The following SH3GL3 variants were observed in gnomAD, a reference collection of about 807,000 sequenced individuals.
SH3GL3 encodes the protein SH3 domain containing GRB2 like 3, endophilin A3, also known as endophilin-A3.
SH3GL3 carries 33 observed loss-of-function variants against 47.7 expected under a neutral mutation model. The observed-to-expected ratio is 0.69, with a 90% confidence interval of 0.52 to 0.92. The LOEUF (loss-of-function observed/expected upper bound fraction) is 0.92, where lower values mean the gene tolerates loss of function less well. SH3GL3 is among the 40% of genes least tolerant of loss of function. SH3GL3 has a pLI of 0.00. For synonymous variants in SH3GL3, 155 were observed against 148.8 expected (o/e 1.04, Z -0.30); for missense variants, 363 against 417.8 (o/e 0.87, Z 1.14).
chr15:83,470,507 A>G (rs1257592611), intron 1 of SH3GL3, among the ~76,000 whole-genome samples: 1 of 152,144 alleles, frequency 6.6e-6, no homozygotes, highest in Admixed American at 6.5e-5. Context: ...GATTACAGAC[A>G]TGAGCCACTG....
At chr15:83,551,662 C>T (rs1302511947) in intron 1 of SH3GL3, among the ~76,000 whole-genome samples, 1 of 152,156 alleles carries the variant, frequency 6.6e-6, no homozygotes, top group East Asian at 1.9e-4. Flanking sequence ...CCATTGTCCC[C>T]AGAATTAAGT....
chr15:83,504,560 C>T (rs545257711), intron 1 of SH3GL3, among the ~76,000 whole-genome samples: 23 of 152,294 alleles, frequency 1.5e-4, no homozygotes, highest in Middle Eastern at 3.4e-3. Flanking sequence ...CATGTCTTGA[C>T]GACACTCAGG....
At chr15:83,549,244 C>A (rs1354048566) in intron 1 of SH3GL3, among the ~76,000 whole-genome samples, 1 of 152,132 alleles carries the variant, frequency 6.6e-6, no homozygotes, top group African/African-American at 2.4e-5. Flanking sequence ...TCATCTAATT[C>A]TTTTCTTAGT....
At chr15:83,473,794 G>T (rs1294888656) in intron 1 of SH3GL3, among the ~76,000 whole-genome samples, 1 of 151,208 alleles carries the variant, frequency 6.6e-6, no homozygotes, top group African/African-American at 2.4e-5. Context: ...TGATCTGCCC[G>T]CCTGGGCCTC....
At chr15:83,582,633 C>T (rs1166278438) in intron 6 of SH3GL3, among the ~76,000 whole-genome samples, 1 of 152,152 alleles carries the variant, frequency 6.6e-6, no homozygotes, top group African/African-American at 2.4e-5. Flanking sequence ...AGAATTCCGT[C>T]ACATTATTAT....
chr15:83,509,910 T>C (rs762100890), intron 1 of SH3GL3, among the ~76,000 whole-genome samples: 1 of 152,166 alleles, frequency 6.6e-6, no homozygotes, highest in Non-Finnish European at 1.5e-5. Context: ...GCAAATATGT[T>C]TGGTGTGGAG....
At chr15:83,583,120 G>A (rs930477837) in intron 6 of SH3GL3, among the ~76,000 whole-genome samples, 2 of 152,208 alleles carry the variant, frequency 1.3e-5, no homozygotes, top group Non-Finnish European at 2.9e-5. Flanking sequence ...CTTTTCAGTT[G>A]TGAAAGAGAA....
At chr15:83,490,738 A>G in intron 1 of SH3GL3, 2 of 1,581,236 alleles carry the variant, frequency 1.3e-6, no homozygotes, top group South Asian at 2.3e-5. Context: ...GAATTTGTTC[A>G]CTTTTAATTA....
intron 1 of SH3GL3, among the ~76,000 whole-genome samples, chr15:83,493,341 G>T (rs1199372471): frequency 6.6e-6 from 1 of 152,144 alleles, no homozygotes; most frequent in African/African-American, 2.4e-5. Flanking sequence ...CATTACAGAG[G>T]TTTTGTGGTG....
chr15:83,509,741 A>G (rs1330491898), intron 1 of SH3GL3, among the ~76,000 whole-genome samples: 1 of 152,196 alleles, frequency 6.6e-6, no homozygotes, highest in Admixed American at 6.5e-5. Flanking sequence ...CAGAAATATG[A>G]ATAATTCAGG....
chr15:83,519,652 A>G (rs2151648234), intron 1 of SH3GL3, among the ~76,000 whole-genome samples: 1 of 151,928 alleles, frequency 6.6e-6, no homozygotes, highest in African/African-American at 2.4e-5. Flanking sequence ...GATTCCTTTT[A>G]TTTCTTTCTC....
At chr15:83,633,505 A>G in the SH3GL3 span, among the ~76,000 whole-genome samples, 1 of 152,134 alleles carries the variant, frequency 6.6e-6, no homozygotes, top group Non-Finnish European at 1.5e-5. Context: ...TTGCCTCTAG[A>G]GACAAGAGTT....
intron 5 of SH3GL3, among the ~76,000 whole-genome samples, chr15:83,573,712 G>A (rs2059596070): frequency 6.6e-6 from 1 of 152,198 alleles, no homozygotes; most frequent in Non-Finnish European, 1.5e-5. Flanking sequence ...TATTCCAGGG[G>A]CCAGAGAAGG....
Position 83,544,784 on chromosome 15 carries a change from G to T in SH3GL3, c.46-14469G>T, listed in dbSNP as rs530274950. Among the ~76,000 whole-genome samples the T allele has an allele frequency of 6.6e-5, 10 of 152,198 alleles. No individual in the cohort carries two copies. The South Asian group carries it at 1.5e-3, about 22-fold the overall frequency. On this transcript the variant is annotated intron_variant, in intron 1 of 8. Transcript: ENST00000427482. Reference sequence around the variant, plus strand: ...TCCTTCATGTTTGAAGGATATTTTTGTAGGATACAATATTCCAGGATAAAA... The same window carrying T: ...TCCTTCATGTTTGAAGGATATTTTTTTAGGATACAATATTCCAGGATAAAA...
In SH3GL3 at chr15:83,557,396, G is replaced by C. The variant is rs140258542; in HGVS notation, c.46-1857G>C. 2.3e-3 allele frequency among the ~76,000 whole-genome samples: 353 copies of C among 152,324 alleles called. 2 individuals carry two copies. Among genetic ancestry groups the C allele is most frequent in the African/African-American group, 8.1e-3 (337 of 41,572 alleles). On this transcript the variant is annotated intron_variant, in intron 1 of 8. Transcript: ENST00000427482. ...TATTGGAAGTTATGCCTTGTATCAAGACATTAGGTTAATTCTCTCTGACTT... is the reference window on the plus strand; with the variant it reads ...TATTGGAAGTTATGCCTTGTATCAACACATTAGGTTAATTCTCTCTGACTT...
At chr15:83,457,685 G>A (rs1241728265) in intron 1 of SH3GL3, among the ~76,000 whole-genome samples, 2 of 152,212 alleles carry the variant, frequency 1.3e-5, no homozygotes, top group South Asian at 2.1e-4. Context: ...TCTCTTAGAC[G>A]CATCAGAAAA....
At chr15:83,499,267 C>A (rs191197652) in intron 1 of SH3GL3, among the ~76,000 whole-genome samples, 1 of 151,782 alleles carries the variant, frequency 6.6e-6, no homozygotes, top group Admixed American at 6.6e-5. Context: ...TCATTAAAGT[C>A]ATAAATGTAA....
In SH3GL3 at chr15:83,610,716, A is replaced by G. The variant is rs369775278; in HGVS notation, c.839-7366A>G. Among the ~76,000 whole-genome samples the G allele has an allele frequency of 3.3e-5, 5 of 152,186 alleles. No individual in the cohort carries two copies. The East Asian group carries it at 5.8e-4, about 18-fold the overall frequency. On this transcript the variant is annotated intron_variant, in intron 8 of 8. Transcript: ENST00000427482. ...TTAAATTTGTGTCCTCAATTTCTCC[A>G]TCCCTCACATTGGGGGAAATAGTGG...
intron 8 of SH3GL3, chr15:83,609,252 G>A (rs1039546132): frequency 2.0e-4 from 92 of 455,896 alleles, no homozygotes; most frequent in Admixed American, 6.8e-4. Context: ...TTACATAATC[G>A]GTTATCTGAT....
Sources: gnomAD v4.1 joint callset for allele counts (sites outside exome capture counted in the v4.1 genomes callset) on GRCh38, gnomAD v4.1.1 for gene constraint, MANE v1.5 for transcripts, NCBI Gene and HGNC (gene_info 2026-07-23, HGNC 2026-07-21) for gene names.